KSR1: variants seen among roughly 807,000 people sequenced by gnomAD.
The protein encoded by KSR1 is kinase suppressor of ras.
In KSR1, 35 loss-of-function variants were observed where a neutral mutation model predicts 92.9. The ratio of observed to expected loss-of-function variants is 0.38; its 90% CI spans 0.29 to 0.50. KSR1 has a LOEUF of 0.50. Among genes scored for constraint, KSR1 ranks in the 20% least tolerant of loss-of-function variants. The pLI, the probability that KSR1 is intolerant of heterozygous loss-of-function variation, is 0.94. For synonymous variants in KSR1, 467 were observed against 472.6 expected (o/e 0.99, Z 0.15); for missense variants, 972 against 1,158.5 (o/e 0.84, Z 2.34).
chr17:27,580,039 CA>C (rs1465897159), intron 3 of KSR1, among the ~76,000 whole-genome samples: 7 of 152,060 alleles, frequency 4.6e-5, no homozygotes, highest in Admixed American at 4.6e-4. Flanking sequence ...GTGTCATTCT[CA>C]AGCAGCCACT....
At chr17:27,521,401 T>C (rs2070026734) in intron 1 of KSR1, among the ~76,000 whole-genome samples, 1 of 150,092 alleles carries the variant, frequency 6.7e-6, no homozygotes, top group African/African-American at 2.5e-5. Flanking sequence ...AGTAGCTCAC[T>C]GGAGCCCCGA....
chr17:27,611,649 G>C lies in KSR1; in HGVS notation c.2493+20G>C. ...GTCAGTGTAAGTAGTACCTGCCCTG[G>C]GTGGAGCAGTAGGGCTGGAGGTGGG... On this transcript the variant is annotated intron_variant, in intron 18 of 20. Coordinates refer to ENST00000644974, the MANE Select transcript of KSR1 (RefSeq NM_001394583.1). 6.2e-7 allele frequency: 1 copy of C among 1,613,500 alleles called. No homozygotes were observed. The highest frequency in any genetic ancestry group is 8.5e-7 in the Non-Finnish European group (1 of 1,179,672).
At chr17:27,469,350 C>T (rs1477898282) in intron 1 of KSR1, among the ~76,000 whole-genome samples, 3 of 152,046 alleles carry the variant, frequency 2.0e-5, no homozygotes, top group East Asian at 1.9e-4. Flanking sequence ...TCTCAGGTGC[C>T]GAGTCACTTT....
At chr17:27,517,971 G>A (rs1162755745) in intron 1 of KSR1, among the ~76,000 whole-genome samples, 1 of 152,196 alleles carries the variant, frequency 6.6e-6, no homozygotes, top group Non-Finnish European at 1.5e-5. Flanking sequence ...TTATTCATTT[G>A]GTCATTATTG....
At chr17:27,537,517 C>A (rs2070793632) in intron 1 of KSR1, among the ~76,000 whole-genome samples, 1 of 152,064 alleles carries the variant, frequency 6.6e-6, no homozygotes, top group African/African-American at 2.4e-5. Context: ...ATGGTGAAAC[C>A]CCATCTCTAC....
At chr17:27,621,567 C>A (rs2074225475) in intron 20 of KSR1, among the ~76,000 whole-genome samples, 2 of 152,188 alleles carry the variant, frequency 1.3e-5, no homozygotes, top group Admixed American at 1.3e-4. Context: ...TTTGAGCCCC[C>A]AGGATCCCAG....
At chr17:27,531,118 C>G (rs534630037) in intron 1 of KSR1, among the ~76,000 whole-genome samples, 16 of 152,240 alleles carry the variant, frequency 1.1e-4, no homozygotes, top group Non-Finnish European at 2.1e-4. Flanking sequence ...CATACCAGCC[C>G]TTCCCCGCTT....
intron 5 of KSR1, chr17:27,587,619 C>T (rs1012919126): frequency 6.6e-6 from 1 of 152,272 alleles, no homozygotes; most frequent in Non-Finnish European, 1.5e-5. Context: ...GTTCCCGGAC[C>T]CCCGAAGCCC....
At chr17:27,556,565 C>G (rs1238601813) in intron 2 of KSR1, among the ~76,000 whole-genome samples, 1 of 152,208 alleles carries the variant, frequency 6.6e-6, no homozygotes, top group African/African-American at 2.4e-5. Flanking sequence ...TGTACCTGGA[C>G]CAGACAGTAA....
At chr17:27,603,108 CT>C (rs2073624934) in intron 11 of KSR1, among the ~76,000 whole-genome samples, 3 of 152,238 alleles carry the variant, frequency 2.0e-5, no homozygotes, top group Admixed American at 1.3e-4. Context: ...CCCTGTAGCA[CT>C]TTGGTTCCAT....
At chr17:27,619,629 C>T (rs1164241398) in intron 19 of KSR1, among the ~76,000 whole-genome samples, 7 of 151,874 alleles carry the variant, frequency 4.6e-5, no homozygotes, top group South Asian at 2.1e-4. Flanking sequence ...AACTCCTGAC[C>T]TCAGGTGATC....
chr17:27,558,697 T>C (rs2071704170), intron 2 of KSR1, among the ~76,000 whole-genome samples: 1 of 103,282 alleles, frequency 9.7e-6, no homozygotes, highest in Non-Finnish European at 2.2e-5. Flanking sequence ...TGTCTTTCTG[T>C]TTTTTGTTTT....
chr17:27,557,579 T>C (rs2071653103), intron 2 of KSR1, among the ~76,000 whole-genome samples: 1 of 152,140 alleles, frequency 6.6e-6, no homozygotes, highest in Non-Finnish European at 1.5e-5. Flanking sequence ...CTATCTGCCT[T>C]TTACACAATG....
At chr17:27,508,830 A>G (rs2069493102) in intron 1 of KSR1, among the ~76,000 whole-genome samples, 1 of 151,466 alleles carries the variant, frequency 6.6e-6, no homozygotes, top group Non-Finnish European at 1.5e-5. Flanking sequence ...CCCGGGTTCA[A>G]GTGATTCTCC....
intron 1 of KSR1, among the ~76,000 whole-genome samples, chr17:27,548,632 C>T (rs987206279): frequency 6.6e-6 from 1 of 152,110 alleles, no homozygotes; most frequent in African/African-American, 2.4e-5. Context: ...AAGTTGGAGA[C>T]CAGCCTGTCC....
At chr17:27,550,952 C>T (rs1260693068) in intron 2 of KSR1, among the ~76,000 whole-genome samples, 1 of 152,184 alleles carries the variant, frequency 6.6e-6, no homozygotes, top group Non-Finnish European at 1.5e-5. Context: ...TTGATTTGTT[C>T]ATCATACTTA....
intron 1 of KSR1, among the ~76,000 whole-genome samples, chr17:27,531,092 C>T (rs1011379654): frequency 6.6e-6 from 1 of 152,206 alleles, no homozygotes; most frequent in African/African-American, 2.4e-5. Flanking sequence ...GGCTGGTTAC[C>T]TCAGGCAGAC....
rs1261229281 is a variant in KSR1 at position 27,577,267 on chromosome 17, C to G, written c.373-225C>G. ...CAAACCTTTCTGGTCTTTACTTCCT[C>G]CCCTCACCCCCCACCGAGTCTGCTT... On this transcript the variant is annotated intron_variant, in intron 2 of 20. Transcript: ENST00000644974. This position sits in a 1 kb window ranked among gnomAD's most constrained non-coding sequence, Gnocchi z 4.5. Among the ~76,000 whole-genome samples the G allele has an allele frequency of 1.3e-5, 2 of 152,088 alleles. No homozygotes were observed. The highest frequency in any genetic ancestry group is 2.9e-5 in the Non-Finnish European group (2 of 68,006).
intron 1 of KSR1, among the ~76,000 whole-genome samples, chr17:27,480,395 CTT>C (rs1288129096): frequency 6.6e-6 from 1 of 152,066 alleles, no homozygotes. Context: ...CTTTTCTTTT[CTT>C]TTCTTTTTTT....
Sources: gnomAD v4.1 joint callset for allele counts (sites outside exome capture counted in the v4.1 genomes callset) on GRCh38, gnomAD v4.1.1 for gene constraint, Gnocchi (gnomAD v3.1) non-coding constraint, MANE v1.5 for transcripts, NCBI Gene and HGNC (gene_info 2026-07-23, HGNC 2026-07-21) for gene names.